Variants in IQSEC2 observed in about 807,000 individuals in gnomAD.
IQSEC2 encodes the protein IQ motif and Sec7 domain ArfGEF 2, also known as IQ motif and SEC7 domain-containing protein 2.
Under a neutral mutation model 74.6 loss-of-function variants are expected in IQSEC2, and 6 were observed. The observed-to-expected ratio is 0.08, with a 90% CI of 0.04 to 0.16. IQSEC2 has a LOEUF of 0.16. Among genes scored for constraint, IQSEC2 ranks in the 10% least tolerant of loss-of-function variants. IQSEC2 has a pLI of 1.00. For missense variants in IQSEC2, 734 were observed against 1,306.2 expected (o/e 0.56, Z 6.75); for synonymous variants, 494 against 544.5 (o/e 0.91, Z 1.29).
chrX:53,259,798 T>TCAAAAA (rs67657435), intron 2 of IQSEC2, among the ~76,000 whole-genome samples: 2 of 105,941 alleles, frequency 1.9e-5, no homozygotes, highest in African/African-American at 3.4e-5. Context: ...AGACCCTGTC[T>TCAAAAA]CAAAAACAAA....
chrX:53,227,537 T>TG, downstream of IQSEC2: 1 of 303,034 alleles, frequency 3.3e-6, no homozygotes, highest in Non-Finnish European at 5.8e-6. Context: ...CTTGGCAATA[T>TG]GGGGCATGCA....
At chrX:53,306,663 T>C (rs1427041057) in intron 1 of IQSEC2, among the ~76,000 whole-genome samples, 6 of 111,218 alleles carry the variant, frequency 5.4e-5, no homozygotes, top group Admixed American at 4.8e-4. Flanking sequence ...GTTTATCTCC[T>C]CTCTCTCCCA....
At chrX:53,251,810 A>G (rs1185343805) in intron 4 of IQSEC2, among the ~76,000 whole-genome samples, 1 of 112,634 alleles carries the variant, frequency 8.9e-6, no homozygotes, top group Non-Finnish European at 1.9e-5. Flanking sequence ...CTGTAATCCC[A>G]GCACTTTGGG....
intron 1 of IQSEC2, among the ~76,000 whole-genome samples, chrX:53,302,091 C>T (rs943065364): frequency 1.7e-4 from 19 of 111,692 alleles, no homozygotes; most frequent in Admixed American, 1.9e-4. Flanking sequence ...TAATATGATA[C>T]GGTTGTTGGG....
intron 11 of IQSEC2, 35 bp downstream of exon 11, chrX:53,239,160 G>T: frequency 9.7e-7 from 1 of 1,027,396 alleles, no homozygotes; most frequent in South Asian, 1.9e-5. Flanking sequence ...CCATGACATA[G>T]ACTCTCAGGA....
intron 7 of IQSEC2, 69 bp downstream of exon 7, chrX:53,248,045 T>C (rs1602278990): frequency 8.6e-7 from 1 of 1,165,811 alleles, no homozygotes; most frequent in Non-Finnish European, 1.2e-6. Flanking sequence ...GAGAAGTGAC[T>C]TATAAACACA....
chrX:53,264,487 C>T (rs1267525311), intron 2 of IQSEC2, among the ~76,000 whole-genome samples: 1 of 99,921 alleles, frequency 1.0e-5, no homozygotes, highest in Non-Finnish European at 2.0e-5. Context: ...CTCCATTCAG[C>T]GGAAGGGTAG....
chrX:53,234,647 C>T lies in IQSEC2; in HGVS notation c.4039G>A (p.Ala1347Thr), dbSNP rs2074097651. The change falls in exon 15 of 15, where the codon GCT becomes ACT. Residue 1347 changes from alanine to threonine, a missense_variant. By Grantham distance (58) the Ala-to-Thr change is moderately conservative. This residue lies in a region of IQSEC2 where 249 missense variants were observed against 467.9 expected (regional missense o/e 0.53). Transcript: ENST00000642864. The stretch of plus-strand genomic sequence containing the variant: ...GGAGCAAACTGAGGGTGTCCTCCAG[C>T]CCCCCGTCTGGGTGCCCTGCCTGGC... The part of the protein sequence containing the change: ...GRPGRAPRRG[A>T]GGHPQFAPHG... 5.3e-6 allele frequency: 6 copies of T among 1,136,911 alleles called. No individual in the cohort carries two copies. The highest frequency in any genetic ancestry group is 7.0e-6 in the Non-Finnish European group (6 of 858,322). 93.7% of individuals were successfully genotyped at this position (1,136,911 alleles called of 1,213,427 possible).
intron 2 of IQSEC2, among the ~76,000 whole-genome samples, chrX:53,288,410 C>G (rs2075055833): frequency 1.0e-5 from 1 of 99,061 alleles, no homozygotes; most frequent in African/African-American, 3.8e-5. Context: ...CCTTCCCTAG[C>G]AACAGGCCAC....
At chrX:53,310,281 G>A (rs919502943) in intron 1 of IQSEC2, among the ~76,000 whole-genome samples, 7 of 110,591 alleles carry the variant, frequency 6.3e-5, no homozygotes, top group African/African-American at 2.3e-4. Flanking sequence ...CAACTTGGGA[G>A]GCTGAGGTAG....
intron 2 of IQSEC2, among the ~76,000 whole-genome samples, chrX:53,277,929 C>T (rs1275250349): frequency 1.8e-5 from 2 of 110,530 alleles, no homozygotes; most frequent in Non-Finnish European, 3.8e-5. Flanking sequence ...CCTTGGCCTC[C>T]CAAAGTCCTG....
intron 3 of IQSEC2, 94 bp from the exon 4 acceptor site, chrX:53,255,025 G>T: frequency 1.1e-6 from 1 of 924,686 alleles, no homozygotes; most frequent in Non-Finnish European, 1.5e-6. Context: ...TGGAATCATG[G>T]CTGACTGCTT....
chrX:53,248,728 C>T lies in IQSEC2; in HGVS notation c.2452G>A (p.Val818Met), dbSNP rs1556862572. ...GNRQKQFNRD[V>M]LDCVVDEMDF... is the part of the protein sequence containing the mutation. ...CCATCCTGGGGTCCTCACTCCAACA[C>T]GTCTCTGTTGAACTGCTTCTGCCGG... The change falls in exon 6 of 15, where the codon GTG (valine) becomes ATG (methionine). Residue 818 changes from valine to methionine, a missense_variant. This residue lies in a region of IQSEC2 where 1 missense variants were observed against 28.6 expected (regional missense o/e 0.04). Transcript: ENST00000642864. 1 of 1,209,813 alleles carries T rather than the reference C, an allele frequency of 8.3e-7. No homozygotes were observed. Among genetic ancestry groups the T allele is most frequent in the African/African-American group, 1.8e-5 (1 of 57,126 alleles).
At chrX:53,257,703 C>T (rs782710221) in intron 2 of IQSEC2, among the ~76,000 whole-genome samples, 13 of 112,320 alleles carry the variant, frequency 1.2e-4, no homozygotes, top group Non-Finnish European at 2.4e-4. Context: ...CTTATTCTGG[C>T]ATTTGAGGCT....
chrX:53,249,304 C>T (rs1281133878), intron 5 of IQSEC2, among the ~76,000 whole-genome samples: 1 of 111,933 alleles, frequency 8.9e-6, no homozygotes, highest in East Asian at 2.8e-4. Context: ...CCACATCCCA[C>T]TCAGGCAGGT....
At chrX:53,231,935 C>A (rs1378805502), downstream of IQSEC2, 1 of 111,800 alleles carries the variant, frequency 8.9e-6, no homozygotes, top group Non-Finnish European at 1.9e-5. Flanking sequence ...CGGGGCCATC[C>A]AAACCATTCC....
At chrX:53,320,015 T>G (rs868962934) in intron 1 of IQSEC2, among the ~76,000 whole-genome samples, 771 of 78,864 alleles carry the variant, frequency 9.8e-3, no homozygotes, top group Middle Eastern at 0.022. Flanking sequence ...AAGGCGGGGG[T>G]GGGGGGCTTT....
At position 53,234,433 on chromosome X, in the gene IQSEC2, G is replaced by A; in HGVS notation, c.4253C>T (p.Pro1418Leu). ...SRPPGGSYSHPHHPQSPLSPH... is the reference protein window; with the variant it reads ...SRPPGGSYSHLHHPQSPLSPH... ...TGACAATGGTGACTGGGGGTGGTGG[G>A]GGTGGGAGTAGGAGCCCCCTGGTGG... Residue 1418 changes from proline to leucine, a missense_variant, in exon 15 of 15, where the codon CCC becomes CTC. This residue lies in a region of IQSEC2 where 249 missense variants were observed against 467.9 expected (regional missense o/e 0.53). Coordinates refer to ENST00000642864, the MANE Select transcript of IQSEC2 (RefSeq NM_001111125.3). 9.5e-7 allele frequency: 1 copy of A among 1,056,368 alleles called. No individual in the cohort carries two copies. The allele number at this position is 1,056,368 out of a possible 1,213,427, so 87.1% of individuals were successfully genotyped here.
intron 9 of IQSEC2, 99 bp downstream of exon 9, chrX:53,243,233 T>C (rs782479545): frequency 1.5e-5 from 11 of 715,695 alleles, no homozygotes; most frequent in Non-Finnish European, 2.3e-5. Flanking sequence ...GTATTGCAGG[T>C]AAAGGGCACC....
Sources: gnomAD v4.1 joint callset for allele counts (sites outside exome capture counted in the v4.1 genomes callset) on GRCh38, gnomAD v4.1.1 for gene constraint, gnomAD v4.1.1 regional missense constraint, MANE v1.5 for transcripts, NCBI Gene and HGNC (gene_info 2026-07-23, HGNC 2026-07-21) for gene names.